KLHDC8A: variants seen among roughly 807,000 people sequenced by gnomAD.
KLHDC8A encodes the protein kelch domain-containing protein 8A.
In KLHDC8A, 21 loss-of-function variants were observed where a neutral mutation model predicts 33.1. That is an observed-to-expected ratio of 0.64 (90% confidence interval 0.45 to 0.91). The LOEUF is 0.91. Among genes scored for constraint, KLHDC8A ranks in the 40% least tolerant of loss-of-function variants. The pLI is 0.00. For missense variants in KLHDC8A, 435 were observed against 483.3 expected (o/e 0.90, Z 0.94); for synonymous variants, 173 against 193.5 (o/e 0.89, Z 0.88).
In KLHDC8A at chr1:205,339,111, G is replaced by T; in HGVS notation, c.757+83C>A. On this transcript the variant is annotated intron_variant, in intron 4 of 5. Transcript: ENST00000367155. The surrounding 1 kb of genome is among the most constrained non-coding windows in gnomAD (Gnocchi z 5.1). ...AGCTGGGTAAACGGCCCTGGAAGAT[G>T]GCTGGAATAGGGGTAAGGGATGGGG... 2 of 1,182,736 alleles carry T rather than the reference G, an allele frequency of 1.7e-6. No individual in the cohort carries two copies. Among genetic ancestry groups the T allele is most frequent in the Non-Finnish European group, 2.4e-6 (2 of 816,974 alleles). 73.3% of individuals were successfully genotyped at this position (1,182,736 alleles called of 1,614,324 possible).
chr1:205,339,025 A>G lies in KLHDC8A; in HGVS notation c.757+169T>C, dbSNP rs1401793669. ...AAAGGGGACCTATACCAATGAAGGA[A>G]TTTGATTCCAAGAGTAGCCCTGAGT... is the stretch of plus-strand genomic sequence containing the variant. On this transcript the variant is annotated intron_variant, in intron 4 of 5. Coordinates refer to ENST00000367155, the MANE Select transcript of KLHDC8A (RefSeq NM_018203.3). The surrounding 1 kb of genome is among the most constrained non-coding windows in gnomAD (Gnocchi z 5.1). Among the ~76,000 whole-genome samples the G allele has an allele frequency of 6.6e-6, 1 of 152,144 alleles. No homozygotes were observed. Among genetic ancestry groups the G allele is most frequent in the African/African-American group, 2.4e-5 (1 of 41,444 alleles).
intron 1 of KLHDC8A, among the ~76,000 whole-genome samples, chr1:205,345,635 G>A (rs1662926717): frequency 6.6e-6 from 1 of 152,090 alleles, no homozygotes; most frequent in Non-Finnish European, 1.5e-5. Flanking sequence ...CAAATACTCG[G>A]GAGGCTGAGG....
At position 205,336,875 on chromosome 1, in the gene KLHDC8A, G is replaced by C. The variant is rs1306594013; in HGVS notation, c.*524C>G. Reference sequence around the variant, plus strand: ...TCTAGCTTCATGTCCAATTCTCGCTGAGTAGATGAGGTCCAGGGTAGGCCC... The same window carrying C: ...TCTAGCTTCATGTCCAATTCTCGCTCAGTAGATGAGGTCCAGGGTAGGCCC... On this transcript the variant is annotated 3_prime_UTR_variant, in exon 6 of 6. Coordinates refer to ENST00000367155, the MANE Select transcript of KLHDC8A (RefSeq NM_018203.3). 6.3e-6 allele frequency: 1 copy of C among 157,504 alleles called. No homozygotes were observed. Among genetic ancestry groups the C allele is most frequent in the African/African-American group, 2.4e-5 (1 of 41,482 alleles). 9.8% of individuals were successfully genotyped at this position (157,504 alleles called of 1,614,324 possible).
Position 205,339,828 on chromosome 1 carries a change from A to C in KLHDC8A, c.377-20T>G, listed in dbSNP as rs375384017. ...GGTAATCTAAGAAGAAAGGCCATAC[A>C]TGCCCCTGGCTTAGCTCACAGGTAC... On this transcript the variant is annotated intron_variant, in intron 2 of 5. Transcript: ENST00000367155. This position sits in a 1 kb window ranked among gnomAD's most constrained non-coding sequence, Gnocchi z 5.1. 104 of 1,610,068 alleles carry C rather than the reference A, an allele frequency of 6.5e-5. No homozygotes were observed. The highest frequency in any genetic ancestry group is 8.7e-5 in the Non-Finnish European group (102 of 1,177,792).
chr1:205,340,295 G>A (rs1228044083), intron 2 of KLHDC8A, among the ~76,000 whole-genome samples: 3 of 152,054 alleles, frequency 2.0e-5, no homozygotes, highest in African/African-American at 7.2e-5. Flanking sequence ...GATTGCAGGT[G>A]TGAGCGACTG....
At chr1:205,338,065 A>C (rs182873797) in intron 5 of KLHDC8A, among the ~76,000 whole-genome samples, 4 of 152,306 alleles carry the variant, frequency 2.6e-5, no homozygotes, top group Admixed American at 1.3e-4. Flanking sequence ...GGCAGAGTTA[A>C]TACATCAAAC....
chr1:205,341,247 G>A (rs1662780826), intron 2 of KLHDC8A, among the ~76,000 whole-genome samples: 2 of 152,082 alleles, frequency 1.3e-5, no homozygotes, highest in African/African-American at 2.4e-5. Flanking sequence ...ACCCCTGCCC[G>A]GGATTCTGTC....
chr1:205,345,790 C>A (rs957589889), intron 1 of KLHDC8A, among the ~76,000 whole-genome samples: 28 of 151,818 alleles, frequency 1.8e-4, no homozygotes, highest in Non-Finnish European at 4.4e-5. Context: ...AGTATAAAAT[C>A]GAGGCCGGAT....
chr1:205,355,501 C>G (rs10736842), intron 1 of KLHDC8A, among the ~76,000 whole-genome samples: 122,186 of 152,172 alleles, frequency 0.8, 49,168 homozygotes, highest in African/African-American at 0.86. Context: ...AAACACCACA[C>G]TACATTCTTT....
intron 1 of KLHDC8A, among the ~76,000 whole-genome samples, chr1:205,355,430 G>T (rs993295644): frequency 6.6e-6 from 1 of 151,916 alleles, no homozygotes; most frequent in Non-Finnish European, 1.5e-5. Context: ...CATTTTTCCC[G>T]TTTCTATAGA....
intron 1 of KLHDC8A, among the ~76,000 whole-genome samples, chr1:205,352,575 G>C (rs1026071801): frequency 6.6e-6 from 1 of 152,238 alleles, no homozygotes; most frequent in African/African-American, 2.4e-5. Context: ...CTCTGTGCTG[G>C]AGACGGGAGA....
chr1:205,348,385 CT>C (rs1663004440), intron 1 of KLHDC8A: 1 of 152,162 alleles, frequency 6.6e-6, no homozygotes, highest in Non-Finnish European at 1.5e-5. Context: ...CCGGAGTGCC[CT>C]CTGCAGGGTA....
At chr1:205,337,871 C>G (rs1662677330) in intron 5 of KLHDC8A, among the ~76,000 whole-genome samples, 1 of 152,200 alleles carries the variant, frequency 6.6e-6, no homozygotes, top group Admixed American at 6.5e-5. Flanking sequence ...CACTGCTGCC[C>G]TTTCCTAAAA....
rs1003765435 is a variant in KLHDC8A at position 205,356,766 on chromosome 1, A to G, written c.-423T>C. On this transcript the variant is annotated 5_prime_UTR_variant, in exon 1 of 6. An upstream start codon of the reference 5' UTR is lost. Coordinates refer to ENST00000367155, the MANE Select transcript of KLHDC8A (RefSeq NM_018203.3). ...GCAGCCAGGCCCCTATGCACAGGGC[A>G]TGGGGCCAGCCCCGCCCTGAATGCA... The G allele has an allele frequency of 1.7e-5, 6 of 347,308 alleles. No individual in the cohort carries two copies. The highest frequency in any genetic ancestry group is 3.4e-5 in the Non-Finnish European group (6 of 174,512). The allele number at this position is 347,308 out of a possible 1,614,324, so 21.5% of individuals were successfully genotyped here. A position where few individuals can be genotyped will look rare whatever the true frequency, so the allele number is the denominator to read the frequency against.
intron 4 of KLHDC8A, among the ~76,000 whole-genome samples, 200 bp from the exon 5 acceptor site, chr1:205,338,796 G>A (rs979351809): frequency 2.0e-5 from 3 of 152,030 alleles, no homozygotes; most frequent in Admixed American, 6.6e-5. Flanking sequence ...TTGCTGCTCT[G>A]TAAGGCATCA....
In KLHDC8A at chr1:205,337,297, C is replaced by T. The variant is rs1662659056; in HGVS notation, c.*102G>A. 1 of 961,750 alleles carries T rather than the reference C, an allele frequency of 1.0e-6. No individual in the cohort carries two copies. The highest frequency in any genetic ancestry group is 1.6e-6 in the Non-Finnish European group (1 of 619,612). 59.6% of individuals were successfully genotyped at this position (961,750 alleles called of 1,614,324 possible). On this transcript the variant is annotated 3_prime_UTR_variant, in exon 6 of 6. Coordinates refer to ENST00000367155, the MANE Select transcript of KLHDC8A (RefSeq NM_018203.3). The stretch of plus-strand genomic sequence containing the variant: ...AGACTCCACTGGTTGCTAACAGGAG[C>T]TGACATTCTTGGAAGTAGCCCCGAC...
chr1:205,353,811 A>G (rs1332441171), intron 1 of KLHDC8A, among the ~76,000 whole-genome samples: 1 of 152,226 alleles, frequency 6.6e-6, no homozygotes, highest in Admixed American at 6.5e-5. Flanking sequence ...TATACCAGGG[A>G]CATTTACTCT....
At chr1:205,338,128 T>C (rs1662684891) in intron 5 of KLHDC8A, among the ~76,000 whole-genome samples, 1 of 152,200 alleles carries the variant, frequency 6.6e-6, no homozygotes, top group African/African-American at 2.4e-5. Context: ...TGTTCCACGA[T>C]TGGGCTGGAA....
At chr1:205,338,773 C>T (rs1662705945) in intron 4 of KLHDC8A, among the ~76,000 whole-genome samples, 177 bp from the exon 5 acceptor site, 2 of 152,042 alleles carry the variant, frequency 1.3e-5, no homozygotes, top group Non-Finnish European at 2.9e-5. Flanking sequence ...TGTGGCTTCC[C>T]CCTCTCCCAT....
Sources: allele counts gnomAD v4.1 joint callset (sites outside exome capture counted in the v4.1 genomes callset), GRCh38; gene constraint gnomAD v4.1.1; non-coding constraint Gnocchi (gnomAD v3.1); transcripts MANE v1.5; gene names NCBI Gene and HGNC (gene_info 2026-07-23, HGNC 2026-07-21).